Variants in INPP5D observed in about 807,000 individuals in gnomAD.
The protein encoded by INPP5D is phosphatidylinositol 3,4,5-trisphosphate 5-phosphatase 1.
In INPP5D, 33 loss-of-function variants were observed where a neutral mutation model predicts 122.9. The observed-to-expected ratio is 0.27, with a 90% CI of 0.20 to 0.36. INPP5D has a LOEUF of 0.36. Among genes scored for constraint, INPP5D ranks in the 10% least tolerant of loss-of-function variants. The pLI is 1.00. For missense variants in INPP5D, 1,053 were observed against 1,412.7 expected (o/e 0.75, Z 4.08); for synonymous variants, 584 against 576.2 (o/e 1.01, Z -0.19).
chr2:233,179,874 C>T (rs1182687744), intron 18 of INPP5D, among the ~76,000 whole-genome samples: 3 of 152,314 alleles, frequency 2.0e-5, no homozygotes, highest in Admixed American at 2.0e-4. Context: ...TGCTGCATAA[C>T]AAACTGTCCT....
intron 2 of INPP5D, among the ~76,000 whole-genome samples, chr2:233,112,288 T>A (rs974321415): frequency 6.6e-6 from 1 of 152,252 alleles, no homozygotes; most frequent in Non-Finnish European, 1.5e-5. Flanking sequence ...CATGAATTTC[T>A]ATTTTATTCG....
chr2:233,186,189 G>A (rs776801637), intron 21 of INPP5D, among the ~76,000 whole-genome samples: 1 of 152,174 alleles, frequency 6.6e-6, no homozygotes, highest in Non-Finnish European at 1.5e-5. Context: ...AGGTCAGCTC[G>A]TCTAACCACA....
In INPP5D at chr2:233,204,445, G is replaced by A. The variant is rs954901187; in HGVS notation, c.3295G>A (p.Gly1099Arg). The A allele has an allele frequency of 3.1e-6, 5 of 1,599,696 alleles. No homozygotes were observed. The African/African-American group carries it at 5.4e-5, about 17-fold the overall frequency. ...CTCTGCCGAGGGCAGGGCGGCCGGC[G>A]GGGACAAGAGCCAAGGGAAGCCCAA... ...SSSAEGRAAG[G>R]DKSQGKPKTP... The change falls in exon 26 of 27, where the codon GGG becomes AGG. Residue 1099 changes from glycine (G) to arginine (R), a missense_variant. Physicochemically the swap from Gly to Arg is moderately radical, Grantham distance 125. Around this residue, in one of 6 missense-constraint regions of INPP5D, gnomAD observed 417 missense variants for 425.8 expected, o/e 0.98. Transcript: ENST00000445964.
Position 233,170,390 on chromosome 2 carries a change from C to A in INPP5D, c.1792-106C>A. 1.3e-6 allele frequency: 2 copies of A among 1,535,426 alleles called. No individual in the cohort carries two copies. The highest frequency in any genetic ancestry group is 1.8e-6 in the Non-Finnish European group (2 of 1,136,432). Reference sequence around the variant, plus strand: ...ACTGTCACAGCCACCCTGCCACCATCACTCTGCAGCCCGGGTCATCCAGCT... The same window carrying A: ...ACTGTCACAGCCACCCTGCCACCATAACTCTGCAGCCCGGGTCATCCAGCT... On this transcript the variant is annotated intron_variant, in intron 15 of 26. Coordinates refer to ENST00000445964, the MANE Select transcript of INPP5D (RefSeq NM_001017915.3). This position sits in a 1 kb window ranked among gnomAD's most constrained non-coding sequence, Gnocchi z 4.5.
chr2:233,192,763 T>C (rs1484519224), intron 22 of INPP5D, among the ~76,000 whole-genome samples: 1 of 152,228 alleles, frequency 6.6e-6, no homozygotes, highest in Non-Finnish European at 1.5e-5. Flanking sequence ...GTAATCTCAT[T>C]AGGACAGGTT....
At chr2:233,149,646 G>C (rs754676979) in intron 9 of INPP5D, among the ~76,000 whole-genome samples, 13 of 152,098 alleles carry the variant, frequency 8.5e-5, no homozygotes, top group Non-Finnish European at 1.5e-4. Flanking sequence ...ACATGCTTAG[G>C]ATGCCATATT....
intron 1 of INPP5D, among the ~76,000 whole-genome samples, chr2:233,064,274 G>A (rs1380979103): frequency 1.3e-5 from 2 of 152,256 alleles, no homozygotes; most frequent in Non-Finnish European, 1.5e-5. Flanking sequence ...GCGAAGGCAC[G>A]TGGCTGCCTT....
chr2:233,105,455 G>A lies in INPP5D; in HGVS notation c.199-16652G>A, dbSNP rs543281635. 2.0e-5 allele frequency among the ~76,000 whole-genome samples: 3 copies of A among 152,116 alleles called. No individual in the cohort carries two copies. In the East Asian group the frequency reaches 5.8e-4, roughly 29 times the overall value. On this transcript the variant is annotated intron_variant, in intron 2 of 26. Transcript: ENST00000445964. This position sits in a 1 kb window ranked among gnomAD's most constrained non-coding sequence, Gnocchi z 4.0. ...CCTGATCCACCAGGCTGAGTCTCCC[G>A]GAGCACCCTCCCAAGCTACTGTCCT...
chr2:233,166,588 C>T (rs1345588980), intron 13 of INPP5D, among the ~76,000 whole-genome samples: 1 of 146,032 alleles, frequency 6.8e-6, no homozygotes, highest in Non-Finnish European at 1.5e-5. Flanking sequence ...CTCACACACA[C>T]CTTCCCCTCC....
At chr2:233,129,884 TTGTG>T (rs140392015) in intron 4 of INPP5D, among the ~76,000 whole-genome samples, 3,845 of 149,766 alleles carry the variant, frequency 0.026, 54 homozygotes, top group African/African-American at 0.035. Context: ...TGGCCTCCTT[TTGTG>T]TGTGTGTGTG....
intron 2 of INPP5D, 39 bp from the exon 3 acceptor site, chr2:233,122,068 T>A: frequency 1.9e-6 from 3 of 1,607,686 alleles, no homozygotes; most frequent in African/African-American, 1.3e-5. Context: ...ACATTCTAGT[T>A]GGTTAACATG....
intron 2 of INPP5D, among the ~76,000 whole-genome samples, chr2:233,103,521 A>G (rs994959680): frequency 6.6e-6 from 1 of 151,980 alleles, no homozygotes; most frequent in Non-Finnish European, 1.5e-5. Flanking sequence ...AGGCAGAGAG[A>G]TTGGAGAACG....
chr2:233,184,485 A>C lies in INPP5D; in HGVS notation c.2239A>C (p.Lys747Gln). 1.2e-6 allele frequency: 2 copies of C among 1,614,058 alleles called. No individual in the cohort carries two copies. Among genetic ancestry groups the C allele is most frequent in the Non-Finnish European group, 1.7e-6 (2 of 1,179,900 alleles). ...CACATTGAAGACCAAGTCCCAGACCAAATTCTACCTGGAGTTCCACTCGAG... is the reference window on the plus strand; with the variant it reads ...CACATTGAAGACCAAGTCCCAGACCCAATTCTACCTGGAGTTCCACTCGAG... ...YATLKTKSQT[K>Q]FYLEFHSSCL... The change falls in exon 20 of 27, where the codon AAA becomes CAA. Residue 747 changes from lysine (K) to glutamine (Q), a missense_variant. Physicochemically the swap from Lys to Gln is moderately conservative, Grantham distance 53 (BLOSUM62 1). Coordinates refer to ENST00000445964, the MANE Select transcript of INPP5D (RefSeq NM_001017915.3).
chr2:233,106,391 G>C (rs917561583), intron 2 of INPP5D, among the ~76,000 whole-genome samples: 1 of 152,234 alleles, frequency 6.6e-6, no homozygotes, highest in South Asian at 2.1e-4. Flanking sequence ...GCAGATTGCA[G>C]GGGCCCAGGA....
intron 5 of INPP5D, among the ~76,000 whole-genome samples, chr2:233,137,985 G>GTAATGAGATTATATTA (rs1693537193): frequency 2.2e-4 from 25 of 111,192 alleles, no homozygotes; most frequent in Middle Eastern, 4.5e-3. Context: ...AGATTATATT[G>GTAATGAGATTATATTA]TATTAATAAT....
intron 1 of INPP5D, among the ~76,000 whole-genome samples, chr2:233,075,505 T>TTG (rs10602751): frequency 0.016 from 2,489 of 151,720 alleles, 66 homozygotes; most frequent in African/African-American, 0.056. Flanking sequence ...ATGCAAGATA[T>TTG]TGTGTGTGTG....
At chr2:233,093,180 G>A (rs940173829) in intron 2 of INPP5D, among the ~76,000 whole-genome samples, 1 of 152,014 alleles carries the variant, frequency 6.6e-6, no homozygotes, top group Admixed American at 6.6e-5. Flanking sequence ...GAAGGATTAC[G>A]GCAGATTAAT....
intron 2 of INPP5D, among the ~76,000 whole-genome samples, chr2:233,093,562 C>A (rs905334722): frequency 4.0e-5 from 6 of 151,812 alleles, no homozygotes; most frequent in East Asian, 3.9e-4. Context: ...TGCCTATAAT[C>A]CCAGCTACTC....
intron 3 of INPP5D, among the ~76,000 whole-genome samples, chr2:233,123,369 G>A (rs1432405346): frequency 6.6e-6 from 1 of 151,346 alleles, no homozygotes. Context: ...CAGAAGAATC[G>A]CTTGAACCCA....
Sources: gnomAD v4.1 joint callset for allele counts (sites outside exome capture counted in the v4.1 genomes callset) on GRCh38, gnomAD v4.1.1 for gene constraint, gnomAD v4.1.1 regional missense constraint, Gnocchi (gnomAD v3.1) non-coding constraint, MANE v1.5 for transcripts, NCBI Gene and HGNC (gene_info 2026-07-23, HGNC 2026-07-21) for gene names.